The following NELL1 variants were observed in gnomAD, a reference collection of about 807,000 sequenced individuals.
The protein encoded by NELL1 is protein kinase C-binding protein NELL1.
Under a neutral mutation model 107.4 loss-of-function variants are expected in NELL1, and 76 were observed. The observed-to-expected ratio is 0.71, with a 90% CI of 0.59 to 0.86. The LOEUF is 0.86. Ranked by LOEUF, NELL1 falls within the 40% of genes least tolerant of loss-of-function variation. The pLI is 0.00. For synonymous variants in NELL1, 353 were observed against 341.2 expected, an observed-to-expected ratio of 1.03 and a Z score of -0.38; for missense variants, 1,024 against 1,005.5, an observed-to-expected ratio of 1.02 and a Z score of -0.25.
intron 12 of NELL1, among the ~76,000 whole-genome samples, chr11:21,079,553 G>GTTT (rs904102702): frequency 2.6e-5 from 4 of 151,946 alleles, no homozygotes; most frequent in Non-Finnish European, 5.9e-5. Flanking sequence ...AATGACAAAA[G>GTTT]TTTCCACAAA....
chr11:21,188,110 T>C lies in NELL1; in HGVS notation c.1427-41222T>C, dbSNP rs181047852. On this transcript the variant is annotated intron_variant, in intron 13 of 19. Transcript: ENST00000357134. ...TGGGTTCTGGACTATAAAAAAAGAA[T>C]TGCATCATCCCTTTGGGGAAGATGA... Among the ~76,000 whole-genome samples the C allele has an allele frequency of 3.4e-4, 52 of 151,982 alleles. 1 individual carries two copies. Among genetic ancestry groups the C allele is most frequent in the Admixed American group, 3.1e-3 (47 of 15,284 alleles).
intron 12 of NELL1, among the ~76,000 whole-genome samples, chr11:21,048,831 G>C (rs1792549478): frequency 6.6e-6 from 1 of 152,058 alleles, no homozygotes; most frequent in South Asian, 2.1e-4. Flanking sequence ...TTCCCTCCAT[G>C]CTTGCTGCCC....
At chr11:21,412,595 C>T (rs1852405348) in intron 15 of NELL1, among the ~76,000 whole-genome samples, 1 of 152,034 alleles carries the variant, frequency 6.6e-6, no homozygotes, top group Non-Finnish European at 1.5e-5. Flanking sequence ...AGATGTTGAA[C>T]ATTTGTACTT....
chr11:21,477,482 G>T (rs983108746), intron 15 of NELL1, among the ~76,000 whole-genome samples: 5 of 152,088 alleles, frequency 3.3e-5, no homozygotes, highest in Admixed American at 3.3e-4. Flanking sequence ...AGCATTACTG[G>T]GTTTAGAGTG....
chr11:20,726,712 C>T (rs1250418027), intron 2 of NELL1, among the ~76,000 whole-genome samples: 5 of 152,106 alleles, frequency 3.3e-5, no homozygotes, highest in African/African-American at 9.7e-5. Flanking sequence ...TCATCATTTA[C>T]ATTAGGTATT....
At chr11:20,677,677 T>G (rs1200149651) in intron 1 of NELL1, among the ~76,000 whole-genome samples, 1 of 152,150 alleles carries the variant, frequency 6.6e-6, no homozygotes. Flanking sequence ...CTGAACTATA[T>G]TTAACCCCAG....
At chr11:20,863,241 C>T (rs1190058843) in intron 4 of NELL1, among the ~76,000 whole-genome samples, 1 of 150,092 alleles carries the variant, frequency 6.7e-6, no homozygotes, top group Non-Finnish European at 1.5e-5. Context: ...CCCCACCTCC[C>T]TCCCGGATGG....
intron 15 of NELL1, among the ~76,000 whole-genome samples, chr11:21,509,216 A>G (rs971255422): frequency 6.6e-6 from 1 of 152,184 alleles, no homozygotes; most frequent in Non-Finnish European, 1.5e-5. Context: ...ATTTCTGACA[A>G]TAGCGACTAT....
At chr11:20,962,315 C>T (rs1465455034) in intron 12 of NELL1, among the ~76,000 whole-genome samples, 1 of 152,126 alleles carries the variant, frequency 6.6e-6, no homozygotes, top group Non-Finnish European at 1.5e-5. Context: ...AGTATTCCCA[C>T]TATTTACCAT....
chr11:21,301,448 G>A (rs1371565202), intron 14 of NELL1, among the ~76,000 whole-genome samples: 1 of 152,132 alleles, frequency 6.6e-6, no homozygotes, highest in African/African-American at 2.4e-5. Context: ...TAACTGGCAT[G>A]CAATGGTATC....
At chr11:21,274,512 TATCCAC>T (rs1164213741) in intron 14 of NELL1, among the ~76,000 whole-genome samples, 1 of 152,136 alleles carries the variant, frequency 6.6e-6, no homozygotes. Flanking sequence ...TTAACAACGA[TATCCAC>T]GAATTGAACT....
chr11:21,293,061 G>T (rs1050381513), intron 14 of NELL1, among the ~76,000 whole-genome samples: 1 of 152,112 alleles, frequency 6.6e-6, no homozygotes, highest in African/African-American at 2.4e-5. Flanking sequence ...GGCAACAAAA[G>T]CCCAAATAGA....
At chr11:21,455,320 CT>C (rs34607165) in intron 15 of NELL1, among the ~76,000 whole-genome samples, 49,894 of 77,144 alleles carry the variant, frequency 0.65, 15,183 homozygotes, top group East Asian at 0.85. Context: ...TTCTTTTATT[CT>C]TTTTTTTTTT....
At chr11:21,227,326 C>T (rs1052412204) in intron 13 of NELL1, among the ~76,000 whole-genome samples, 1 of 151,892 alleles carries the variant, frequency 6.6e-6, no homozygotes, top group Non-Finnish European at 1.5e-5. Flanking sequence ...AGTAGAGCAC[C>T]CTTTCATTCT....
intron 15 of NELL1, among the ~76,000 whole-genome samples, chr11:21,428,606 G>A (rs182874152): frequency 5.6e-4 from 85 of 152,116 alleles, no homozygotes; most frequent in African/African-American, 2.0e-3. Flanking sequence ...CCTCAACAAG[G>A]TTTTCATTTT....
intron 2 of NELL1, among the ~76,000 whole-genome samples, chr11:20,760,157 C>A (rs1452518158): frequency 6.6e-6 from 1 of 152,214 alleles, no homozygotes; most frequent in Non-Finnish European, 1.5e-5. Flanking sequence ...ACAGCTATAG[C>A]ACTGGGCCTC....
In NELL1 at chr11:20,928,472, C is replaced by G. The variant is rs745321286; in HGVS notation, c.990C>G (p.Val330=). Residue 330 remains valine, a synonymous_variant, in exon 9 of 20, where the codon GTC becomes GTG. Coordinates refer to ENST00000357134, the MANE Select transcript of NELL1 (RefSeq NM_006157.5). ...ACATTGCTGGCCAGTGCTGTAAGGT[C>G]TGCCGACGTAAGTACTGACTGAGGG... The part of the protein sequence containing the change: ...PVHIAGQCCK[V]CRPKCIYGGK... 9.3e-6 allele frequency: 15 copies of G among 1,613,298 alleles called. No homozygotes were observed. The East Asian group carries it at 3.1e-4, about 34-fold the overall frequency.
At chr11:21,489,068 G>A (rs1854720704) in intron 15 of NELL1, among the ~76,000 whole-genome samples, 1 of 150,586 alleles carries the variant, frequency 6.6e-6, no homozygotes, top group African/African-American at 2.4e-5. Context: ...AAAATCCAAA[G>A]AAAAAAAATC....
chr11:20,934,614 G>A (rs570712961), intron 9 of NELL1, among the ~76,000 whole-genome samples: 1 of 152,168 alleles, frequency 6.6e-6, no homozygotes, highest in Non-Finnish European at 1.5e-5. Flanking sequence ...GGCAAAGGAA[G>A]AAAAAATGTC....
Sources: allele counts gnomAD v4.1 joint callset (sites outside exome capture counted in the v4.1 genomes callset), GRCh38; gene constraint gnomAD v4.1.1; transcripts MANE v1.5; gene names NCBI Gene and HGNC (gene_info 2026-07-23, HGNC 2026-07-21).